DYM: variants seen among roughly 807,000 people sequenced by gnomAD.
DYM encodes the protein dyggve-Melchior-Clausen syndrome protein.
A neutral mutation model predicts 93.1 loss-of-function variants in DYM; 78 were observed. That is an observed-to-expected ratio of 0.84 (90% CI 0.70 to 1.01). The LOEUF (loss-of-function observed/expected upper bound fraction) is 1.01, where lower values mean the gene tolerates loss of function less well. Among genes scored for constraint, DYM ranks in the 50% least tolerant of loss-of-function variants. The pLI is 0.00. For synonymous variants in DYM, 321 were observed against 319.7 expected, an observed-to-expected ratio of 1.00 and a Z score of -0.04; for missense variants, 789 against 845.0, an observed-to-expected ratio of 0.93 and a Z score of 0.82.
At chr18:49,372,466 G>A (rs1028348145) in intron 5 of DYM, among the ~76,000 whole-genome samples, 15 of 152,210 alleles carry the variant, frequency 9.9e-5, no homozygotes, top group Admixed American at 9.8e-4. Context: ...TATAGGGCCG[G>A]GTGAGGTGGC....
At chr18:49,382,458 T>C (rs1322977226) in intron 3 of DYM, among the ~76,000 whole-genome samples, 1 of 152,210 alleles carries the variant, frequency 6.6e-6, no homozygotes. Context: ...AGATTCAAGA[T>C]TCCAAAATAT....
chr18:49,443,044 C>T (rs2081788776), intron 1 of DYM, among the ~76,000 whole-genome samples: 1 of 151,952 alleles, frequency 6.6e-6, no homozygotes, highest in African/African-American at 2.4e-5. Flanking sequence ...TTTCAGGTTT[C>T]ACCATGTTGG....
chr18:49,118,739 C>G lies in DYM; in HGVS notation c.1911+5G>C, dbSNP rs2082128776. 1 of 1,611,460 alleles carries G rather than the reference C, an allele frequency of 6.2e-7. No individual in the cohort carries two copies. The highest frequency in any genetic ancestry group is 8.5e-7 in the Non-Finnish European group (1 of 1,177,604). On this transcript the variant is annotated splice_donor_5th_base_variant and intron_variant, in intron 16 of 17. Coordinates refer to ENST00000675505, the MANE Select transcript of DYM (RefSeq NM_001353214.3). The stretch of plus-strand genomic sequence containing the variant: ...ATCATAATAAATGTCTTCATTTACA[C>G]TCACCAGATCAATATTTTGCATTAT...
At chr18:49,053,067 T>C (rs2075163130) in intron 17 of DYM, among the ~76,000 whole-genome samples, 1 of 152,184 alleles carries the variant, frequency 6.6e-6, no homozygotes, top group African/African-American at 2.4e-5. Flanking sequence ...AATCCTGTTG[T>C]TTTGATTTTT....
At chr18:49,263,468 T>C (rs892864979) in intron 11 of DYM, among the ~76,000 whole-genome samples, 25 of 149,376 alleles carry the variant, frequency 1.7e-4, no homozygotes, top group African/African-American at 5.4e-4. Flanking sequence ...TGGTGGCTCA[T>C]GCCTGTAATC....
Position 49,290,149 on chromosome 18 carries a change from T to C in DYM, c.764-3533A>G, listed in dbSNP as rs756552286. Among the ~76,000 whole-genome samples, 4 of 151,990 alleles carry C rather than the reference T, an allele frequency of 2.6e-5. No homozygotes were observed. In the East Asian group the frequency reaches 7.7e-4, roughly 29 times the overall value. ...GGAATGTTTACTGTAATATTGTTTA[T>C]AATGGTCCAATAATGTAAACAACAT... On this transcript the variant is annotated intron_variant, in intron 8 of 17. Coordinates refer to ENST00000675505, the MANE Select transcript of DYM (RefSeq NM_001353214.3).
At chr18:49,426,451 C>A (rs982121382) in intron 2 of DYM, among the ~76,000 whole-genome samples, 3 of 150,856 alleles carry the variant, frequency 2.0e-5, no homozygotes, top group African/African-American at 7.3e-5. Flanking sequence ...ATGTAAATGA[C>A]GAGTTAATGG....
intron 1 of DYM, chr18:49,447,396 A>G (rs148382987): frequency 6.6e-6 from 1 of 152,434 alleles, no homozygotes; most frequent in African/African-American, 2.4e-5. Context: ...GCAGGCAACA[A>G]CAAACCCTAG....
intron 8 of DYM, among the ~76,000 whole-genome samples, chr18:49,290,184 C>A (rs2060021224): frequency 6.6e-6 from 1 of 151,122 alleles, no homozygotes; most frequent in African/African-American, 2.4e-5. Flanking sequence ...TATAAATGCT[C>A]ACCAGTAACA....
At chr18:49,424,049 AG>A (rs200544986) in intron 2 of DYM, among the ~76,000 whole-genome samples, 13,855 of 152,174 alleles carry the variant, frequency 0.091, 841 homozygotes, top group East Asian at 0.31. Flanking sequence ...TCATTTTATG[AG>A]GCCAGCTTCA....
intron 1 of DYM, among the ~76,000 whole-genome samples, chr18:49,435,869 T>A (rs2080817286): frequency 1.3e-5 from 2 of 152,162 alleles, no homozygotes; most frequent in African/African-American, 4.8e-5. Context: ...ATAGGTACTT[T>A]CTTTCACAAC....
chr18:49,286,606 C>T lies in DYM; in HGVS notation c.774G>A (p.Trp258Ter). The change falls in exon 9 of 18, where the codon TGG becomes TGA. Residue 258 changes from tryptophan to a stop codon, truncating the protein, a stop_gained. Transcript: ENST00000675505. LOFTEE classifies it high-confidence loss of function. Reference protein sequence around the residue: ...GLASGVATGLWTVFTLGGVGS... With the variant: ...GLASGVATGL ...CCACACCACCTAGTGTGAAGACAGT[C>T]CAGAGTCCTGCTGGGGAGGAAAACA... 3 of 1,613,880 alleles carry T rather than the reference C, an allele frequency of 1.9e-6. No individual in the cohort carries two copies. Among genetic ancestry groups the T allele is most frequent in the Non-Finnish European group, 1.7e-6 (2 of 1,179,950 alleles).
At position 49,038,956 on chromosome 18, in the gene DYM, A is replaced by G. The variant is rs776733205; in HGVS notation, c.*5099T>C. ...TATTTCTCTATATATTTAAAACTCCATAAGACATAATTATTGTTTTATGTA... is the reference window on the plus strand; with the variant it reads ...TATTTCTCTATATATTTAAAACTCCGTAAGACATAATTATTGTTTTATGTA... On this transcript the variant is annotated 3_prime_UTR_variant, in exon 18 of 18. Coordinates refer to ENST00000675505, the MANE Select transcript of DYM (RefSeq NM_001353214.3). Among the ~76,000 whole-genome samples, 8 of 152,336 alleles carry G rather than the reference A, an allele frequency of 5.3e-5. No individual in the cohort carries two copies. The highest frequency in any genetic ancestry group is 3.4e-3 in the Middle Eastern group (1 of 294).
intron 13 of DYM, among the ~76,000 whole-genome samples, chr18:49,249,029 C>T (rs1053350942): frequency 2.0e-5 from 3 of 152,188 alleles, no homozygotes; most frequent in African/African-American, 7.2e-5. Flanking sequence ...GGCACGGCTA[C>T]CTTAGATTGT....
At chr18:49,293,302 T>C (rs1021668587) in intron 8 of DYM, among the ~76,000 whole-genome samples, 2 of 152,230 alleles carry the variant, frequency 1.3e-5, no homozygotes, top group African/African-American at 4.8e-5. Context: ...CATGTGTCTT[T>C]ATAGTAGAAT....
At chr18:49,104,140 T>C (rs1407116321) in intron 16 of DYM, among the ~76,000 whole-genome samples, 3 of 152,120 alleles carry the variant, frequency 2.0e-5, no homozygotes, top group East Asian at 3.9e-4. Flanking sequence ...CCCTTGTAAG[T>C]TGGATTCCTA....
At chr18:49,281,767 C>T (rs2094985382) in intron 10 of DYM, among the ~76,000 whole-genome samples, 2 of 151,952 alleles carry the variant, frequency 1.3e-5, no homozygotes, top group Admixed American at 6.6e-5. Flanking sequence ...AATACATGGA[C>T]ACAGGAAGGG....
At chr18:49,354,682 T>A (rs890300995) in intron 6 of DYM, among the ~76,000 whole-genome samples, 1 of 152,088 alleles carries the variant, frequency 6.6e-6, no homozygotes, top group Admixed American at 6.6e-5. Flanking sequence ...GAAGAGATGC[T>A]CAACATCATA....
At chr18:49,225,786 T>C (rs918224528) in intron 13 of DYM, among the ~76,000 whole-genome samples, 4 of 152,144 alleles carry the variant, frequency 2.6e-5, no homozygotes, top group Non-Finnish European at 5.9e-5. Flanking sequence ...TTCTGGTATA[T>C]AAGTGCATCA....
Sources: gnomAD v4.1 joint callset for allele counts (sites outside exome capture counted in the v4.1 genomes callset) on GRCh38, gnomAD v4.1.1 for gene constraint, MANE v1.5 for transcripts, NCBI Gene and HGNC (gene_info 2026-07-23, HGNC 2026-07-21) for gene names.